Variants in NLGN4X observed in about 807,000 individuals in gnomAD.
The protein encoded by NLGN4X is neuroligin 4 X-linked.
A neutral mutation model predicts 40.3 loss-of-function variants in NLGN4X; 3 were observed. That is an observed-to-expected ratio of 0.07 (90% CI 0.03 to 0.19). The LOEUF is 0.19. Ranked by LOEUF, NLGN4X falls within the 10% of genes least tolerant of loss-of-function variation. The probability of loss-of-function intolerance (pLI) is 1.00; values close to 1 mark genes in which losing one functional copy is unlikely to be tolerated. For missense variants in NLGN4X, 382 were observed against 708.3 expected (o/e 0.54, Z 5.23); for synonymous variants, 270 against 306.8 (o/e 0.88, Z 1.25).
At chrX:6,166,417 C>A (rs1384669409) in intron 1 of NLGN4X, among the ~76,000 whole-genome samples, 2 of 111,346 alleles carry the variant, frequency 1.8e-5, no homozygotes, top group East Asian at 5.7e-4. Context: ...TATTAATATA[C>A]CTTGGTAACT....
intron 2 of NLGN4X, among the ~76,000 whole-genome samples, chrX:6,138,278 A>C (rs1182163439): frequency 8.9e-6 from 1 of 112,038 alleles, no homozygotes; most frequent in Non-Finnish European, 1.9e-5. Context: ...CATAACCTGT[A>C]ATGTGATGCA....
chrX:6,185,991 A>G (rs963120089), intron 1 of NLGN4X, among the ~76,000 whole-genome samples: 1 of 112,472 alleles, frequency 8.9e-6, no homozygotes, highest in Non-Finnish European at 1.9e-5. Context: ...CAGGCTTTAA[A>G]CTTGCTCTGT....
intron 2 of NLGN4X, among the ~76,000 whole-genome samples, chrX:6,084,991 CTAA>C (rs1416030511): frequency 9.1e-6 from 1 of 110,305 alleles, no homozygotes; most frequent in Non-Finnish European, 1.9e-5. Context: ...AAACCACACA[CTAA>C]TGAGACCAAA....
intron 3 of NLGN4X, among the ~76,000 whole-genome samples, chrX:5,958,513 G>A (rs1337375807): frequency 9.0e-6 from 1 of 111,511 alleles, no homozygotes; most frequent in Non-Finnish European, 1.9e-5. Flanking sequence ...GGTTTGCTAA[G>A]CCTCTGAGCT....
chrX:5,955,172 A>C (rs1601945997), intron 3 of NLGN4X, among the ~76,000 whole-genome samples: 1 of 112,186 alleles, frequency 8.9e-6, no homozygotes, highest in East Asian at 2.8e-4. Flanking sequence ...CTCAGGGTTT[A>C]AGCCAAAAAT....
rs747043076 is a variant in NLGN4X at position 6,223,029 on chromosome X, C to T, written c.-306+5512G>A. Among the ~76,000 whole-genome samples the T allele has an allele frequency of 5.4e-5, 6 of 110,315 alleles. No homozygotes were observed. The East Asian group carries it at 1.7e-3, about 31-fold the overall frequency. On this transcript the variant is annotated intron_variant, in intron 1 of 5. Coordinates refer to ENST00000381095, the MANE Select transcript of NLGN4X (RefSeq NM_181332.3). ...TCTTGGGTATGTCTTTTTTAGCAGCCTGAGAATGGATTAATACACCTCATC... is the reference window on the plus strand; with the variant it reads ...TCTTGGGTATGTCTTTTTTAGCAGCTTGAGAATGGATTAATACACCTCATC...
intron 5 of NLGN4X, among the ~76,000 whole-genome samples, chrX:5,902,253 G>T (rs1281285084): frequency 9.0e-6 from 1 of 111,526 alleles, no homozygotes; most frequent in Admixed American, 9.5e-5. Context: ...GCTGAGTAAG[G>T]TGGTGTGCAC....
chrX:6,036,610 G>GCGCACA (rs1400925134), intron 2 of NLGN4X, among the ~76,000 whole-genome samples: 5 of 93,577 alleles, frequency 5.3e-5, no homozygotes, highest in Non-Finnish European at 1.1e-4. Flanking sequence ...TGTGGCTGGC[G>GCGCACA]CACACACACA....
intron 1 of NLGN4X, among the ~76,000 whole-genome samples, chrX:6,179,841 G>T (rs563764619): frequency 2.6e-4 from 29 of 111,589 alleles, no homozygotes; most frequent in African/African-American, 8.1e-4. Context: ...AGAAGCAGGC[G>T]GCCTATTCAA....
chrX:6,068,557 CAG>C (rs777422000), intron 2 of NLGN4X, among the ~76,000 whole-genome samples: 1 of 111,723 alleles, frequency 9.0e-6, no homozygotes, highest in Non-Finnish European at 1.9e-5. Context: ...TGTCAAATCT[CAG>C]AGATTAATGC....
intron 3 of NLGN4X, among the ~76,000 whole-genome samples, chrX:5,917,141 G>A (rs746279030): frequency 2.7e-5 from 3 of 112,486 alleles, no homozygotes; most frequent in South Asian, 3.7e-4. Context: ...GCTGCTGGGC[G>A]ACCATAAATT....
chrX:6,162,840 C>T (rs998892773), intron 1 of NLGN4X, among the ~76,000 whole-genome samples: 4 of 111,754 alleles, frequency 3.6e-5, no homozygotes, highest in African/African-American at 1.3e-4. Flanking sequence ...ATATACACAC[C>T]TATATTCACA....
At chrX:6,193,150 G>A (rs778992746) in intron 1 of NLGN4X, among the ~76,000 whole-genome samples, 4 of 109,360 alleles carry the variant, frequency 3.7e-5, no homozygotes, top group African/African-American at 1.3e-4. Context: ...GGCCGGGCGC[G>A]GTGGCTCACG....
At chrX:6,215,937 C>T (rs906264453) in intron 1 of NLGN4X, among the ~76,000 whole-genome samples, 5 of 106,377 alleles carry the variant, frequency 4.7e-5, no homozygotes, top group Admixed American at 4.1e-4. Flanking sequence ...AGTGCAGTGG[C>T]GTGATATCAG....
intron 3 of NLGN4X, among the ~76,000 whole-genome samples, chrX:5,982,237 C>T (rs2035410368): frequency 8.9e-6 from 1 of 111,949 alleles, no homozygotes; most frequent in Non-Finnish European, 1.9e-5. Context: ...TCTTTTCAAC[C>T]ACAATGCTAC....
intron 1 of NLGN4X, among the ~76,000 whole-genome samples, chrX:6,174,258 CA>C (rs1291183772): frequency 6.4e-4 from 66 of 103,570 alleles, no homozygotes; most frequent in Middle Eastern, 4.9e-3. Context: ...ATTAAATAGT[CA>C]AAAAAAAAAA....
intron 3 of NLGN4X, among the ~76,000 whole-genome samples, chrX:5,991,920 G>A (rs1048979160): frequency 1.8e-5 from 2 of 112,287 alleles, no homozygotes; most frequent in African/African-American, 3.2e-5. Context: ...ATTTCTACGA[G>A]TAGGATTATT....
chrX:6,116,541 C>T (rs1249741579), intron 2 of NLGN4X, among the ~76,000 whole-genome samples: 1 of 94,114 alleles, frequency 1.1e-5, no homozygotes, highest in Non-Finnish European at 2.1e-5. Flanking sequence ...TCAGCCCCCG[C>T]CTCCCAGGTT....
intron 2 of NLGN4X, among the ~76,000 whole-genome samples, chrX:6,135,803 G>T (rs377244536): frequency 9.0e-6 from 1 of 111,653 alleles, no homozygotes; most frequent in South Asian, 3.8e-4. Flanking sequence ...AGCCAAAGAA[G>T]AAACATGGCG....
Sources: allele counts gnomAD v4.1 joint callset (sites outside exome capture counted in the v4.1 genomes callset), GRCh38; gene constraint gnomAD v4.1.1; transcripts MANE v1.5; gene names NCBI Gene and HGNC (gene_info 2026-07-23, HGNC 2026-07-21).